Variants in FOXP1 observed in about 807,000 individuals in gnomAD.
FOXP1 encodes forkhead box P1.
A neutral mutation model predicts 98.2 loss-of-function variants in FOXP1; 15 were observed. The observed-to-expected ratio is 0.15, with a 90% confidence interval of 0.10 to 0.24. The LOEUF (loss-of-function observed/expected upper bound fraction) is 0.24. FOXP1 is among the 10% of genes least tolerant of loss of function. The probability of loss-of-function intolerance (pLI) is 1.00; values close to 1 mark genes in which losing one functional copy is unlikely to be tolerated. For missense variants in FOXP1, 633 were observed against 848.5 expected (o/e 0.75, Z 3.15); for synonymous variants, 371 against 314.5 (o/e 1.18, Z -1.90).
intron 7 of FOXP1, among the ~76,000 whole-genome samples, chr3:71,077,696 A>C (rs1482577838): frequency 1.3e-5 from 2 of 152,212 alleles, no homozygotes; most frequent in Non-Finnish European, 2.9e-5. Flanking sequence ...CCCTGTACAT[A>C]CCACTCGTCA....
At chr3:71,326,120 T>G (rs927741839) in intron 4 of FOXP1, among the ~76,000 whole-genome samples, 2 of 152,140 alleles carry the variant, frequency 1.3e-5, no homozygotes, top group African/African-American at 4.8e-5. Context: ...ATTTTTTACA[T>G]GAAATATTAA....
chr3:71,419,854 G>T (rs773704073), intron 3 of FOXP1, among the ~76,000 whole-genome samples: 1 of 151,604 alleles, frequency 6.6e-6, no homozygotes, highest in African/African-American at 2.4e-5. Context: ...TGCTCTTGTC[G>T]CCCAGGCTAG....
intron 2 of FOXP1, among the ~76,000 whole-genome samples, chr3:71,546,359 C>G (rs1481733584): frequency 6.6e-6 from 1 of 152,188 alleles, no homozygotes; most frequent in Non-Finnish European, 1.5e-5. Flanking sequence ...ATTAACTGAG[C>G]TTAGAGAAAG....
intron 2 of FOXP1, among the ~76,000 whole-genome samples, chr3:71,564,474 A>G (rs531760708): frequency 1.3e-5 from 2 of 152,322 alleles, no homozygotes; most frequent in South Asian, 4.1e-4. Flanking sequence ...ATACACACAC[A>G]TTTATGGAAG....
chr3:71,014,465 T>C (rs2044147686), intron 12 of FOXP1, among the ~76,000 whole-genome samples: 1 of 152,152 alleles, frequency 6.6e-6, no homozygotes, highest in African/African-American at 2.4e-5. Context: ...CCAGTTAGAA[T>C]GGCAATCATT....
chr3:71,423,522 AG>A (rs1005678270), intron 3 of FOXP1, among the ~76,000 whole-genome samples: 20 of 152,234 alleles, frequency 1.3e-4, no homozygotes, highest in African/African-American at 4.8e-4. Context: ...GGATTAGACC[AG>A]CTTCTCCTCA....
intron 6 of FOXP1, among the ~76,000 whole-genome samples, chr3:71,170,293 C>T (rs771313543): frequency 2.0e-5 from 3 of 152,208 alleles, no homozygotes; most frequent in South Asian, 4.1e-4. Context: ...GCTCCCCCCA[C>T]GCCCTCACTC....
At position 70,963,226 on chromosome 3, in the gene FOXP1, A is replaced by G. The variant is rs144885729; in HGVS notation, c.1889+2664T>C. Among the ~76,000 whole-genome samples the G allele has an allele frequency of 7.0e-4, 106 of 152,336 alleles. 1 individual carries two copies. The highest frequency in any genetic ancestry group is 6.6e-3 in the South Asian group (32 of 4,830). On this transcript the variant is annotated intron_variant, in intron 20 of 20. Transcript: ENST00000649528. ...AGTGGATGCAGAGTGGGTCCCCAACAAATGTTAACTGGCTAGATCTACTGT... is the reference window on the plus strand; with the variant it reads ...AGTGGATGCAGAGTGGGTCCCCAACGAATGTTAACTGGCTAGATCTACTGT...
chr3:71,293,321 C>T (rs2072952132), intron 5 of FOXP1, among the ~76,000 whole-genome samples: 1 of 152,054 alleles, frequency 6.6e-6, no homozygotes, highest in Admixed American at 6.6e-5. Flanking sequence ...TACATGGATA[C>T]AGTAGTTCAG....
intron 6 of FOXP1, among the ~76,000 whole-genome samples, chr3:71,128,414 A>G (rs563109537): frequency 1.3e-5 from 2 of 152,274 alleles, no homozygotes; most frequent in South Asian, 2.1e-4. Flanking sequence ...CTTGAAGATA[A>G]TGAAATGGGT....
At position 71,449,244 on chromosome 3, in the gene FOXP1, G is replaced by A. The variant is rs2086718333; in HGVS notation, c.-168+44182C>T. On this transcript the variant is annotated intron_variant, in intron 3 of 20. Transcript: ENST00000649528. ...GCCCAAATTATAGGAGGCAAGCAAG[G>A]TGCCTAGGGTGCAAAATTTAGGGAG... Among the ~76,000 whole-genome samples the A allele has an allele frequency of 2.0e-5, 3 of 152,224 alleles. No homozygotes were observed. The South Asian group carries it at 6.2e-4, about 32-fold the overall frequency.
intron 5 of FOXP1, among the ~76,000 whole-genome samples, chr3:71,281,166 G>A (rs150812994): frequency 2.0e-5 from 3 of 151,824 alleles, no homozygotes; most frequent in Non-Finnish European, 2.9e-5. Context: ...GGAGTTCAAG[G>A]CTGCAGTGAG....
chr3:71,301,523 G>T (rs911749169), intron 4 of FOXP1, among the ~76,000 whole-genome samples: 1 of 152,068 alleles, frequency 6.6e-6, no homozygotes, highest in Non-Finnish European at 1.5e-5. Context: ...AAGCAAGAAC[G>T]CCTTTTCCTC....
At chr3:71,041,720 T>G (rs1037568104) in intron 10 of FOXP1, among the ~76,000 whole-genome samples, 188 bp from the exon 11 acceptor site, 4 of 152,104 alleles carry the variant, frequency 2.6e-5, no homozygotes, top group African/African-American at 9.7e-5. Context: ...ACCGAGCAAC[T>G]GAGTGGAAGT....
intron 2 of FOXP1, among the ~76,000 whole-genome samples, chr3:71,559,935 A>G (rs986542499): frequency 6.6e-6 from 1 of 152,186 alleles, no homozygotes; most frequent in Non-Finnish European, 1.5e-5. Flanking sequence ...AAAAACTTCT[A>G]TTCTGCTGGA....
At chr3:71,429,748 G>A (rs184429083) in intron 3 of FOXP1, among the ~76,000 whole-genome samples, 2 of 152,094 alleles carry the variant, frequency 1.3e-5, no homozygotes, top group South Asian at 2.1e-4. Flanking sequence ...CGAGGAACTC[G>A]TCTTCAAGAA....
chr3:71,128,726 C>T (rs1299167088), intron 6 of FOXP1, among the ~76,000 whole-genome samples: 1 of 152,108 alleles, frequency 6.6e-6, no homozygotes, highest in East Asian at 1.9e-4. Context: ...CTGAGGCAGA[C>T]ATTCCTAAGT....
intron 3 of FOXP1, among the ~76,000 whole-genome samples, chr3:71,416,711 G>A (rs1435916751): frequency 6.6e-6 from 1 of 152,036 alleles, no homozygotes; most frequent in African/African-American, 2.4e-5. Flanking sequence ...GAAGAGGAGA[G>A]GGAGGCATAT....
chr3:70,956,633 T>G lies in FOXP1; in HGVS notation c.*2614A>C. 1 of 200,810 alleles carries G rather than the reference T, an allele frequency of 5.0e-6. No homozygotes were observed. Among genetic ancestry groups the G allele is most frequent in the Non-Finnish European group, 1.0e-5 (1 of 100,130 alleles). The allele number at this position is 200,810 out of a possible 1,614,324, so 12.4% of individuals were successfully genotyped here. A position where few individuals can be genotyped will look rare whatever the true frequency, so the allele number is the denominator to read the frequency against. ...TACCAGATTTTTATCCTCTTTTGAA[T>G]ACCAAACTAACCAGCAACCACTCAG... On this transcript the variant is annotated 3_prime_UTR_variant, in exon 21 of 21. Transcript: ENST00000649528.
Sources: gnomAD v4.1 joint callset for allele counts (sites outside exome capture counted in the v4.1 genomes callset) on GRCh38, gnomAD v4.1.1 for gene constraint, MANE v1.5 for transcripts, NCBI Gene and HGNC (gene_info 2026-07-23, HGNC 2026-07-21) for gene names.